CAST: variants seen among roughly 807,000 people sequenced by gnomAD.
CAST encodes the protein MIR583 host.
A neutral mutation model predicts 119.6 loss-of-function variants in CAST; 76 were observed. The observed-to-expected ratio is 0.64, with a 90% CI of 0.53 to 0.77. The LOEUF is 0.77. Ranked by LOEUF, CAST falls within the 30% of genes least tolerant of loss-of-function variation. The pLI is 0.00. For missense variants in CAST, 953 were observed against 946.5 expected, an observed-to-expected ratio of 1.01 and a Z score of -0.09; for synonymous variants, 319 against 331.6, an observed-to-expected ratio of 0.96 and a Z score of 0.41.
the CAST span, among the ~76,000 whole-genome samples, chr5:96,325,378 C>CTTCT: frequency 0.039 from 5,907 of 150,020 alleles, 424 homozygotes; most frequent in African/African-American, 0.14. Context: ...TCTTTTCTTT[C>CTTCT]TTCTTTCTTT....
At chr5:96,372,219 G>A in the CAST span, among the ~76,000 whole-genome samples, 1 of 152,160 alleles carries the variant, frequency 6.6e-6, no homozygotes, top group Non-Finnish European at 1.5e-5. Flanking sequence ...ATATCAGGTG[G>A]CTCCTTCAGT....
chr5:96,552,459 GA>G (rs1159267879), intron 1 of CAST, among the ~76,000 whole-genome samples: 1 of 152,168 alleles, frequency 6.6e-6, no homozygotes, highest in African/African-American at 2.4e-5. Flanking sequence ...GCCCACAGGA[GA>G]AAGCAGGAGA....
At chr5:96,017,035 A>C in the CAST span, among the ~76,000 whole-genome samples, 5 of 151,834 alleles carry the variant, frequency 3.3e-5, no homozygotes, top group African/African-American at 1.2e-4. Context: ...ACAGAGTTTC[A>C]CCGTGTTAGC....
chr5:96,662,695 G>A, intron 1 of CAST, among the ~76,000 whole-genome samples, 198 bp downstream of exon 1: 1 of 136,024 alleles, frequency 7.4e-6, no homozygotes, highest in East Asian at 2.2e-4. Context: ...GCCGGGTCCA[G>A]TGCGCTGGGC....
the CAST span, among the ~76,000 whole-genome samples, chr5:96,215,888 A>C: frequency 6.6e-6 from 1 of 152,064 alleles, no homozygotes; most frequent in Admixed American, 6.6e-5. Flanking sequence ...GCTCACTGCA[A>C]CCTCTGCCTC....
At chr5:96,430,070 C>T in the CAST span, among the ~76,000 whole-genome samples, 2 of 152,202 alleles carry the variant, frequency 1.3e-5, no homozygotes, top group African/African-American at 4.8e-5. Flanking sequence ...CCATTGAATT[C>T]ATAGTGATAA....
At chr5:96,713,396 G>T (rs141822761) in intron 3 of CAST, among the ~76,000 whole-genome samples, 2,416 of 152,154 alleles carry the variant, frequency 0.016, 77 homozygotes, top group African/African-American at 0.056. Flanking sequence ...CTCCCGAAGT[G>T]CTGGGATTGC....
the CAST span, among the ~76,000 whole-genome samples, chr5:96,233,490 A>T: frequency 6.6e-6 from 1 of 152,276 alleles, no homozygotes. Flanking sequence ...AAAAAAATTG[A>T]TTCACAGAAC....
At chr5:96,747,735 G>C (rs1203644352) in intron 18 of CAST, among the ~76,000 whole-genome samples, 3 of 152,252 alleles carry the variant, frequency 2.0e-5, no homozygotes, top group African/African-American at 7.2e-5. Flanking sequence ...GCCTTAAGTT[G>C]GTAGTAACCT....
the CAST span, among the ~76,000 whole-genome samples, chr5:96,026,877 C>T: frequency 6.6e-6 from 1 of 152,104 alleles, no homozygotes; most frequent in Admixed American, 6.5e-5. Flanking sequence ...TGGCTGAAGA[C>T]TATTTTGCAA....
chr5:96,622,984 C>G (rs985959042), intron 1 of CAST, among the ~76,000 whole-genome samples: 5 of 149,944 alleles, frequency 3.3e-5, no homozygotes, highest in Non-Finnish European at 1.5e-5. Flanking sequence ...CTGCTTCAGC[C>G]TCCTGAGTAG....
chr5:96,226,449 G>A, the CAST span, among the ~76,000 whole-genome samples: 393 of 152,174 alleles, frequency 2.6e-3, 3 homozygotes, highest in Middle Eastern at 0.014. Context: ...TCAGGAGTTC[G>A]AGACCGGCCT....
In CAST at chr5:96,743,593, A is replaced by G. The variant is rs375076877; in HGVS notation, c.1200+837A>G. 13 of 1,600,556 alleles carry G rather than the reference A, an allele frequency of 8.1e-6. No homozygotes were observed. In the African/African-American group the frequency reaches 1.4e-4, roughly 17 times the overall value. ...AGGGGAGTCTCCCTGACTTCCAGCAACAATCCTTGAGTCTGGGACTGCCCT... is the reference window on the plus strand; with the variant it reads ...AGGGGAGTCTCCCTGACTTCCAGCAGCAATCCTTGAGTCTGGGACTGCCCT... On this transcript the variant is annotated intron_variant, in intron 16 of 31. Coordinates refer to ENST00000675179, the MANE Select transcript of CAST (RefSeq NM_001750.7).
At chr5:96,207,088 T>C in the CAST span, among the ~76,000 whole-genome samples, 30 of 152,218 alleles carry the variant, frequency 2.0e-4, no homozygotes, top group East Asian at 4.1e-3. Context: ...ACATTCTTGA[T>C]TTGGCCCTCA....
chr5:96,296,579 G>A, the CAST span, among the ~76,000 whole-genome samples: 1 of 152,068 alleles, frequency 6.6e-6, no homozygotes, highest in Non-Finnish European at 1.5e-5. Context: ...TGCTATTTTT[G>A]TTACCTGCAA....
At chr5:96,581,190 A>T (rs1362207943) in intron 1 of CAST, among the ~76,000 whole-genome samples, 2 of 152,276 alleles carry the variant, frequency 1.3e-5, no homozygotes, top group Non-Finnish European at 2.9e-5. Flanking sequence ...AATTCTTTCA[A>T]ATTTATAATA....
At chr5:96,631,347 G>A (rs1258905113) in intron 1 of CAST, among the ~76,000 whole-genome samples, 2 of 140,810 alleles carry the variant, frequency 1.4e-5, no homozygotes, top group African/African-American at 5.0e-5. Context: ...TAATACAAAT[G>A]TAATCATAAA....
chr5:96,092,224 G>T, the CAST span, among the ~76,000 whole-genome samples: 1 of 152,000 alleles, frequency 6.6e-6, no homozygotes, highest in African/African-American at 2.4e-5. Flanking sequence ...TCTTTCACAG[G>T]TACCTTATTA....
chr5:96,535,967 G>A (rs978549329), intron 1 of CAST, among the ~76,000 whole-genome samples: 9 of 151,070 alleles, frequency 6.0e-5, no homozygotes, highest in African/African-American at 2.2e-4. Flanking sequence ...TTGTTATGAG[G>A]AGCCCTTTAG....
Sources: gnomAD v4.1 joint callset for allele counts (sites outside exome capture counted in the v4.1 genomes callset) on GRCh38, gnomAD v4.1.1 for gene constraint, MANE v1.5 for transcripts, NCBI Gene and HGNC (gene_info 2026-07-23, HGNC 2026-07-21) for gene names.